The following FNDC1 variants were observed in gnomAD, a reference collection of about 807,000 sequenced individuals.
The protein encoded by FNDC1 is fibronectin type III domain containing 1, also known as fibronectin type III domain-containing protein 1.
In FNDC1, 96 loss-of-function variants were observed where a neutral mutation model predicts 168.0. The observed-to-expected ratio is 0.57, with a 90% CI of 0.48 to 0.68. The LOEUF (loss-of-function observed/expected upper bound fraction) is 0.68. Among genes scored for constraint, FNDC1 ranks in the 30% least tolerant of loss-of-function variants. FNDC1 has a pLI of 0.00. For missense variants in FNDC1, 2,587 were observed against 2,482.1 expected (o/e 1.04, Z -0.90); for synonymous variants, 1,099 against 1,025.9 (o/e 1.07, Z -1.36).
At chr6:159,249,525 G>C (rs539170259) in intron 16 of FNDC1, among the ~76,000 whole-genome samples, 1 of 152,252 alleles carries the variant, frequency 6.6e-6, no homozygotes, top group South Asian at 2.1e-4. Context: ...CTTACCACTG[G>C]GCCTTGTGTG....
Position 159,246,969 on chromosome 6 carries a change from GGT to G in FNDC1, c.4690+1_4690+2del. 6.9e-6 allele frequency: 11 copies of G among 1,583,824 alleles called. No homozygotes were observed. Among genetic ancestry groups the G allele is most frequent in the Non-Finnish European group, 8.7e-6 (10 of 1,152,886 alleles). ...AGAGGCCTACGTTATATATGATGAA[GGT>G]ACAAACTGGCTTTTGAAAAATTATT... On this transcript the variant is annotated splice_donor_variant, in intron 15 of 22. Transcript: ENST00000297267. LOFTEE classifies it high-confidence loss of function.
At chr6:159,191,721 T>C (rs1782145003) in intron 1 of FNDC1, among the ~76,000 whole-genome samples, 1 of 152,238 alleles carries the variant, frequency 6.6e-6, no homozygotes, top group African/African-American at 2.4e-5. Context: ...CACCTGATAT[T>C]TATTGAATGC....
At chr6:159,193,493 T>C (rs1428040256) in intron 1 of FNDC1, among the ~76,000 whole-genome samples, 1 of 152,168 alleles carries the variant, frequency 6.6e-6, no homozygotes, top group Non-Finnish European at 1.5e-5. Context: ...ACCAAGTGTG[T>C]GGGCAGCCCT....
At chr6:159,238,763 C>T in intron 13 of FNDC1, 98 bp downstream of exon 13, 1 of 816,676 alleles carries the variant, frequency 1.2e-6, no homozygotes, top group Non-Finnish European at 1.9e-6. Flanking sequence ...AATGAATGGT[C>T]ATGGGTTAGT....
At position 159,214,972 on chromosome 6, in the gene FNDC1, G is replaced by C; in HGVS notation, c.488G>C (p.Arg163Pro). ...TEKEVPNKPL[R>P]VRVRSSDDRL... ...AAGGAAGTGCCCAACAAGCCCTTGC[G>C]TGTGCGTGTCCGGTCCTCAGATGAC... Residue 163 changes from arginine to proline, a missense_variant, in exon 5 of 23, where the codon CGT becomes CCT. Arg to Pro is a moderately radical substitution (Grantham distance 103). Transcript: ENST00000297267. The C allele has an allele frequency of 1.9e-6, 3 of 1,613,968 alleles. No individual in the cohort carries two copies. The highest frequency in any genetic ancestry group is 2.5e-6 in the Non-Finnish European group (3 of 1,179,892).
intron 22 of FNDC1, 104 bp downstream of exon 22, chr6:159,268,030 G>A: frequency 8.1e-7 from 1 of 1,238,238 alleles, no homozygotes; most frequent in Non-Finnish European, 1.1e-6. Flanking sequence ...GTCATTCGAA[G>A]ATGGATGTTG....
intron 9 of FNDC1, among the ~76,000 whole-genome samples, chr6:159,228,435 C>T (rs1404777648): frequency 6.6e-6 from 1 of 152,098 alleles, no homozygotes; most frequent in East Asian, 1.9e-4. Flanking sequence ...ACAATGGGTT[C>T]TCTTAATTCT....
chr6:159,229,062 A>G (rs534933718), intron 9 of FNDC1, among the ~76,000 whole-genome samples: 1 of 152,302 alleles, frequency 6.6e-6, no homozygotes, highest in African/African-American at 2.4e-5. Flanking sequence ...GGCAAAAATT[A>G]TTTTTTAAAA....
chr6:159,197,021 C>G (rs1782255251), intron 1 of FNDC1, among the ~76,000 whole-genome samples: 1 of 152,152 alleles, frequency 6.6e-6, no homozygotes, highest in Non-Finnish European at 1.5e-5. Context: ...TTATGCTGTT[C>G]TCTCCGAGAC....
In FNDC1 at chr6:159,233,018, A is replaced by G; in HGVS notation, c.2506A>G (p.Ser836Gly). Residue 836 changes from serine (S) to glycine (G), a missense_variant, in exon 11 of 23, where the codon AGC (serine) becomes GGC (glycine). Ser to Gly is a moderately conservative substitution (Grantham distance 56). Transcript: ENST00000297267. The surrounding 1 kb of genome is among the most constrained non-coding windows in gnomAD (Gnocchi z 4.6). ...CAACGGGAGGTCTCCAAGCAGGTTC[A>G]GCATTGGGCGGGGACCTCGGCTGCA... Reference protein sequence around the residue: ...AANGRSPSRFSIGRGPRLQPS... With the variant: ...AANGRSPSRFGIGRGPRLQPS... 6.2e-7 allele frequency: 1 copy of G among 1,612,766 alleles called. No individual in the cohort carries two copies. The highest frequency in any genetic ancestry group is 8.5e-7 in the Non-Finnish European group (1 of 1,179,580).
Position 159,269,548 on chromosome 6 carries a change from AT to A in FNDC1, c.5569+1623del, listed in dbSNP as rs1356238426. Among the ~76,000 whole-genome samples, 29 of 150,828 alleles carry A rather than the reference AT, an allele frequency of 1.9e-4. No individual in the cohort carries two copies. The East Asian group carries it at 4.5e-3, about 23-fold the overall frequency. On this transcript the variant is annotated intron_variant, in intron 22 of 22. Transcript: ENST00000297267. ...CATCCATCCATCCATCCATCCATCC[AT>A]CCATCCATCCATCCATCCATCTATC...
In FNDC1 at chr6:159,200,558, G is replaced by C. The variant is rs1782357012; in HGVS notation, c.437G>C (p.Gly146Ala). 1 of 1,598,218 alleles carries C rather than the reference G, an allele frequency of 6.3e-7. No homozygotes were observed. The highest frequency in any genetic ancestry group is 8.5e-7 in the Non-Finnish European group (1 of 1,171,682). The change falls in exon 4 of 23, where the codon GGA (glycine) becomes GCA (alanine). Residue 146 changes from glycine (G) to alanine (A), a missense_variant. Transcript: ENST00000297267. ...EIDGFPIKGP[G>A]PFNETVTEKE... is the part of the protein sequence containing the mutation. Reference sequence around the variant, plus strand: ...GATGGTTTTCCCATTAAGGGTCCAGGACCATTTAATGAAACCGTCACAGGT... The same window carrying C: ...GATGGTTTTCCCATTAAGGGTCCAGCACCATTTAATGAAACCGTCACAGGT...
intron 2 of FNDC1, among the ~76,000 whole-genome samples, chr6:159,199,471 T>C (rs888857507): frequency 1.3e-5 from 2 of 152,228 alleles, no homozygotes; most frequent in Non-Finnish European, 2.9e-5. Context: ...AAGGGGAATA[T>C]TTTATTATGA....
chr6:159,224,911 C>T (rs964440090), intron 7 of FNDC1, among the ~76,000 whole-genome samples: 2 of 152,086 alleles, frequency 1.3e-5, no homozygotes, highest in African/African-American at 2.4e-5. Context: ...CTGAACTGTC[C>T]ATATTTGGTC....
intron 14 of FNDC1, among the ~76,000 whole-genome samples, chr6:159,246,674 G>T (rs1777138324): frequency 6.6e-6 from 1 of 152,218 alleles, no homozygotes; most frequent in Non-Finnish European, 1.5e-5. Flanking sequence ...TCCTAATGGG[G>T]CAGGCATTTG....
At chr6:159,231,825 T>C in intron 10 of FNDC1, 57 bp from the exon 11 acceptor site, 3 of 1,454,866 alleles carry the variant, frequency 2.1e-6, no homozygotes, top group Non-Finnish European at 2.8e-6. Context: ...GTGTCTCACC[T>C]CCGCTTTCGC....
chr6:159,230,331 T>C lies in FNDC1; in HGVS notation c.1369+328T>C, dbSNP rs1212544059. Among the ~76,000 whole-genome samples, 3 of 152,168 alleles carry C rather than the reference T, an allele frequency of 2.0e-5. No homozygotes were observed. The East Asian group carries it at 5.8e-4, about 29-fold the overall frequency. ...ACAAATGGTAGTGTGACATTTTTCA[T>C]TGTCAGCTCTCTTCAATTTCTATGT... On this transcript the variant is annotated intron_variant, in intron 10 of 22. Transcript: ENST00000297267.
chr6:159,186,208 C>T (rs915637901), intron 1 of FNDC1, among the ~76,000 whole-genome samples: 7 of 151,588 alleles, frequency 4.6e-5, no homozygotes, highest in Admixed American at 6.6e-5. Context: ...TCCAAGTTGG[C>T]GGGTGGTGGG....
chr6:159,228,119 T>C (rs1163344900), intron 9 of FNDC1, among the ~76,000 whole-genome samples: 1 of 152,216 alleles, frequency 6.6e-6, no homozygotes, highest in Non-Finnish European at 1.5e-5. Context: ...CCATGCTACT[T>C]ATGTACTCTT....
Sources: gnomAD v4.1 joint callset for allele counts (sites outside exome capture counted in the v4.1 genomes callset) on GRCh38, gnomAD v4.1.1 for gene constraint, Gnocchi (gnomAD v3.1) non-coding constraint, MANE v1.5 for transcripts, NCBI Gene and HGNC (gene_info 2026-07-23, HGNC 2026-07-21) for gene names.